The following NOLC1 variants were observed in gnomAD, a reference collection of about 807,000 sequenced individuals.
The protein encoded by NOLC1 is 140 kDa nucleolar phosphoprotein.
Under a neutral mutation model 73.4 loss-of-function variants are expected in NOLC1, and 37 were observed. The observed-to-expected ratio is 0.50, with a 90% CI of 0.39 to 0.66. The LOEUF is 0.66. NOLC1 is among the 30% of genes least tolerant of loss of function. The pLI, the probability that NOLC1 is intolerant of heterozygous loss-of-function variation, is 0.00. For synonymous variants in NOLC1, 327 were observed against 302.6 expected (o/e 1.08, Z -0.84); for missense variants, 921 against 838.9 (o/e 1.10, Z -1.21).
chr10:102,162,547 A>C lies in NOLC1; in HGVS notation c.*278A>C, dbSNP rs1017827365. The C allele has an allele frequency of 3.8e-6, 1 of 262,376 alleles. No homozygotes were observed. Among genetic ancestry groups the C allele is most frequent in the Non-Finnish European group, 7.1e-6 (1 of 140,268 alleles). 16.3% of individuals were successfully genotyped at this position (262,376 alleles called of 1,614,324 possible). On this transcript the variant is annotated 3_prime_UTR_variant, in exon 13 of 13. Coordinates refer to ENST00000605788, the MANE Select transcript of NOLC1 (RefSeq NM_004741.5). Reference sequence around the variant, plus strand: ...ATTGTTGTCTCCTTCCTTTTCTGTGAAAGTCCTCATACTGAGAAATTTGTA... The same window carrying C: ...ATTGTTGTCTCCTTCCTTTTCTGTGCAAGTCCTCATACTGAGAAATTTGTA...
intron 1 of NOLC1, 105 bp downstream of exon 1, chr10:102,152,635 C>T (rs1432589558): frequency 7.2e-6 from 11 of 1,519,538 alleles, no homozygotes; most frequent in African/African-American, 1.4e-5. Context: ...TCCGCCAGTC[C>T]AGTGTCTGCA....
At chr10:102,160,204 C>T (rs374844570) in intron 8 of NOLC1, 29 bp from the exon 9 acceptor site, 13 of 1,605,112 alleles carry the variant, frequency 8.1e-6, no homozygotes, top group East Asian at 2.2e-5. Flanking sequence ...GGACTCTGGA[C>T]CCAGCATAAT....
In NOLC1 at chr10:102,160,822, TAAGAAG is replaced by T; in HGVS notation, c.1474_1479del (p.Lys492_Lys493del). ...AAGAGAAGACATCTAAGTCTGCAGT[TAAGAAG>T]AAGCCACAGAAGGTAGCAGGAGGTG... On this transcript the variant is annotated inframe_deletion, in exon 10 of 13. Coordinates refer to ENST00000605788, the MANE Select transcript of NOLC1 (RefSeq NM_004741.5). 1.9e-6 allele frequency: 3 copies of T among 1,614,048 alleles called. No homozygotes were observed. The highest frequency in any genetic ancestry group is 2.5e-6 in the Non-Finnish European group (3 of 1,179,998).
chr10:102,152,475 T>C lies in NOLC1; in HGVS notation c.65T>C (p.Leu22Pro). The change falls in exon 1 of 13, where the codon CTG becomes CCG. Residue 22 changes from leucine to proline, a missense_variant. Leu to Pro is a moderately conservative substitution (Grantham distance 98). Coordinates refer to ENST00000605788, the MANE Select transcript of NOLC1 (RefSeq NM_004741.5). ...SDLYPLVLGFLRDNQLSEVAN... is the reference protein window; with the variant it reads ...SDLYPLVLGFPRDNQLSEVAN... ...CTGTATCCCCTCGTGCTCGGCTTCC[T>C]GCGCGATAACCAACTCTCAGAGGTG... is the stretch of plus-strand genomic sequence containing the variant. The C allele has an allele frequency of 6.2e-7, 1 of 1,613,712 alleles. No homozygotes were observed. Among genetic ancestry groups the C allele is most frequent in the East Asian group, 2.2e-5 (1 of 44,882 alleles).
intron 1 of NOLC1, among the ~76,000 whole-genome samples, chr10:102,154,311 C>T (rs1305645452): frequency 6.6e-6 from 1 of 150,622 alleles, no homozygotes; most frequent in African/African-American, 2.5e-5. Flanking sequence ...TCTTGAACTC[C>T]TGACCTCAAG....
chr10:102,159,833 A>T, intron 7 of NOLC1, 63 bp from the exon 8 acceptor site: 1 of 1,425,036 alleles, frequency 7.0e-7, no homozygotes, highest in Non-Finnish European at 9.3e-7. Context: ...TTTCTACAAG[A>T]AAGTAGTATC....
At position 102,152,408 on chromosome 10, in the gene NOLC1, A is replaced by T; in HGVS notation, c.-3A>T. 1 of 1,609,440 alleles carries T rather than the reference A, an allele frequency of 6.2e-7. No individual in the cohort carries two copies. On this transcript the variant is annotated 5_prime_UTR_variant, in exon 1 of 13. Coordinates refer to ENST00000605788, the MANE Select transcript of NOLC1 (RefSeq NM_004741.5). The stretch of plus-strand genomic sequence containing the variant: ...AACGGTAGTGACGCGTATTGCCTGG[A>T]GGATGGCGGACGCCGGCATTCGCCG...
intron 1 of NOLC1, 77 bp downstream of exon 1, chr10:102,152,607 G>C: frequency 1.9e-6 from 3 of 1,590,390 alleles, no homozygotes; most frequent in Non-Finnish European, 2.6e-6. Context: ...TAGGTTTCCA[G>C]GTGGGGAAGT....
In NOLC1 at chr10:102,159,481, A is replaced by G. The variant is rs763428426; in HGVS notation, c.772A>G (p.Thr258Ala). The change falls in exon 7 of 13, where the codon ACC becomes GCC. Residue 258 changes from threonine (T) to alanine (A), a missense_variant. Coordinates refer to ENST00000605788, the MANE Select transcript of NOLC1 (RefSeq NM_004741.5). Reference protein sequence around the residue: ...VVAKAPVKAATTPTRKSSSSE... With the variant: ...VVAKAPVKAAATPTRKSSSSE... ...GGCCAAGGCCCCAGTGAAAGCAGCT[A>G]CCACCCCTACCCGGAAGAGTTCTAG... The G allele has an allele frequency of 3.7e-6, 6 of 1,614,182 alleles. No homozygotes were observed. Among genetic ancestry groups the G allele is most frequent in the South Asian group, 2.2e-5 (2 of 91,078 alleles).
rs773289770 is a variant in NOLC1 at position 102,161,679 on chromosome 10, T to C, written c.1848+17T>C. On this transcript the variant is annotated intron_variant, in intron 11 of 12. Transcript: ENST00000605788. ...AGGAAGAAAGTAAGTTGTCTCACTTTCTTCTCAGGAGCCAGCTCTTTAAAA... is the reference window on the plus strand; with the variant it reads ...AGGAAGAAAGTAAGTTGTCTCACTTCCTTCTCAGGAGCCAGCTCTTTAAAA... The C allele has an allele frequency of 1.9e-6, 3 of 1,602,016 alleles. No homozygotes were observed. In the East Asian group the frequency reaches 6.7e-5, roughly 36 times the overall value.
rs914503307 is a variant in NOLC1, at chr10:102,159,212, A to G, written c.627A>G (p.Ile209Met). ...PPKPARAAPKIANGKAASSSS... is the reference protein window; with the variant it reads ...PPKPARAAPKMANGKAASSSS... The stretch of plus-strand genomic sequence containing the variant: ...TTCCAGCTCGAGCAGCACCTAAAAT[A>G]GCCAATGGTAAAGCAGCCAGTAGCA... Residue 209 changes from isoleucine to methionine, a missense_variant, in exon 6 of 13, where the codon ATA (isoleucine) becomes ATG (methionine). Physicochemically the swap from Ile to Met is conservative, Grantham distance 10. Coordinates refer to ENST00000605788, the MANE Select transcript of NOLC1 (RefSeq NM_004741.5). 1 of 1,613,850 alleles carries G rather than the reference A, an allele frequency of 6.2e-7. No homozygotes were observed.
chr10:102,161,134 CA>C, intron 10 of NOLC1, 41 bp downstream of exon 10: 1 of 1,549,586 alleles, frequency 6.5e-7, no homozygotes, highest in African/African-American at 1.4e-5. Flanking sequence ...TTTGTCCCCC[CA>C]AATCAGGATG....
chr10:102,154,069 A>ATT (rs58538934), intron 1 of NOLC1, among the ~76,000 whole-genome samples: 21 of 116,406 alleles, frequency 1.8e-4, no homozygotes, highest in East Asian at 8.3e-4. Context: ...CATGCATTTA[A>ATT]TTTTTTTTTT....
At chr10:102,159,859 C>T (rs1329259473) in intron 7 of NOLC1, 37 bp from the exon 8 acceptor site, 3 of 1,484,722 alleles carry the variant, frequency 2.0e-6, no homozygotes, top group South Asian at 2.8e-5. Flanking sequence ...AAGTTGTAGA[C>T]ATATCCTAAA....
chr10:102,152,872 C>T (rs2069529601), intron 1 of NOLC1, among the ~76,000 whole-genome samples: 1 of 152,198 alleles, frequency 6.6e-6, no homozygotes, highest in South Asian at 2.1e-4. Flanking sequence ...TCGGCATCTT[C>T]TGGGGGGCTT....
intron 1 of NOLC1, among the ~76,000 whole-genome samples, chr10:102,154,028 G>A (rs1227478060): frequency 6.6e-6 from 1 of 150,852 alleles, no homozygotes; most frequent in African/African-American, 2.4e-5. Flanking sequence ...TTTGTGAAGA[G>A]CTAACTAAGG....
In NOLC1 at chr10:102,158,061, C is replaced by G; in HGVS notation, c.454C>G (p.Pro152Ala). The G allele has an allele frequency of 6.2e-7, 1 of 1,613,824 alleles. No individual in the cohort carries two copies. ...TCTTTTCTAACAGAAGGGAGTTAAG[C>G]CCCAAGCCAAGGCAGCCAAAGCTCC... ...KKQPVQKGVK[P>A]QAKAAKAPPK... Residue 152 changes from proline (P) to alanine (A), a missense_variant, in exon 5 of 13, where the codon CCC becomes GCC. By Grantham distance (27) the Pro-to-Ala change is conservative (BLOSUM62 -1). Coordinates refer to ENST00000605788, the MANE Select transcript of NOLC1 (RefSeq NM_004741.5).
intron 1 of NOLC1, among the ~76,000 whole-genome samples, chr10:102,155,516 C>T (rs1234814890): frequency 6.8e-6 from 1 of 147,394 alleles, no homozygotes; most frequent in Non-Finnish European, 1.5e-5. Context: ...GGCCTGAATG[C>T]ATTTTTTTTT....
rs1272813272 is a variant in NOLC1, at chr10:102,152,478, G to T, written c.68G>T (p.Arg23Leu). ...TATCCCCTCGTGCTCGGCTTCCTGC[G>T]CGATAACCAACTCTCAGAGGTGGCC... is the stretch of plus-strand genomic sequence containing the variant. ...DLYPLVLGFLRDNQLSEVANK... is the reference protein window; with the variant it reads ...DLYPLVLGFLLDNQLSEVANK... The change falls in exon 1 of 13, where the codon CGC becomes CTC. Residue 23 changes from arginine (R) to leucine (L), a missense_variant. Transcript: ENST00000605788. 1 of 1,613,730 alleles carries T rather than the reference G, an allele frequency of 6.2e-7. No homozygotes were observed. The highest frequency in any genetic ancestry group is 2.2e-5 in the East Asian group (1 of 44,888).
Sources: gnomAD v4.1 joint callset for allele counts (sites outside exome capture counted in the v4.1 genomes callset) on GRCh38, gnomAD v4.1.1 for gene constraint, MANE v1.5 for transcripts, NCBI Gene and HGNC (gene_info 2026-07-23, HGNC 2026-07-21) for gene names.